DTNA: variants seen among roughly 807,000 people sequenced by gnomAD.
DTNA encodes the protein dystrobrevin alpha.
DTNA carries 43 observed loss-of-function variants against 100.7 expected under a neutral mutation model. That is an observed-to-expected ratio of 0.43 (90% CI 0.33 to 0.55). The LOEUF is 0.55. Among genes scored for constraint, DTNA ranks in the 20% least tolerant of loss-of-function variants. The probability of loss-of-function intolerance (pLI) is 0.04; values close to 1 mark genes in which losing one functional copy is unlikely to be tolerated. For missense variants in DTNA, 798 were observed against 953.9 expected (o/e 0.84, Z 2.15); for synonymous variants, 349 against 347.9 (o/e 1.00, Z -0.04).
chr18:34,522,728 C>T (rs577228757), intron 1 of DTNA, among the ~76,000 whole-genome samples: 1 of 152,132 alleles, frequency 6.6e-6, no homozygotes, highest in Non-Finnish European at 1.5e-5. Context: ...GGAAGGGCTC[C>T]TTGCAGAAAG....
chr18:34,801,703 T>G (rs9941432), intron 4 of DTNA, among the ~76,000 whole-genome samples: 3,850 of 151,534 alleles, frequency 0.025, 168 homozygotes, highest in African/African-American at 0.088. Context: ...TAGAGACGGG[T>G]TTTCACCATG....
intron 6 of DTNA, among the ~76,000 whole-genome samples, chr18:34,815,337 G>A (rs2095573300): frequency 1.3e-5 from 2 of 152,102 alleles, no homozygotes; most frequent in Admixed American, 6.5e-5. Flanking sequence ...GAAGCAGACT[G>A]AATTGAGAGG....
chr18:34,523,345 C>T (rs192709777), intron 1 of DTNA, among the ~76,000 whole-genome samples: 575 of 152,240 alleles, frequency 3.8e-3, no homozygotes, highest in Non-Finnish European at 5.5e-3. Flanking sequence ...GGAGATAGGA[C>T]TCAGCCTGTA....
chr18:34,773,641 C>T (rs2093897026), intron 3 of DTNA, among the ~76,000 whole-genome samples: 2 of 152,076 alleles, frequency 1.3e-5, no homozygotes, highest in South Asian at 4.1e-4. Context: ...ATGCAACGTT[C>T]CCAAAAATTC....
At chr18:34,542,248 C>G (rs1262970758) in intron 1 of DTNA, among the ~76,000 whole-genome samples, 1 of 152,038 alleles carries the variant, frequency 6.6e-6, no homozygotes. Flanking sequence ...ATCTAAAACT[C>G]TATAAATTCA....
At chr18:34,848,039 A>G (rs956871248) in intron 13 of DTNA, among the ~76,000 whole-genome samples, 1 of 152,244 alleles carries the variant, frequency 6.6e-6, no homozygotes, top group Non-Finnish European at 1.5e-5. Flanking sequence ...TATTGATCAG[A>G]ATAGTCACCT....
chr18:34,625,193 A>C (rs1354697611), intron 1 of DTNA, among the ~76,000 whole-genome samples: 1 of 151,954 alleles, frequency 6.6e-6, no homozygotes, highest in African/African-American at 2.4e-5. Flanking sequence ...CGTCCGGCTA[A>C]TTTTTTTGTA....
At chr18:34,516,142 G>A (rs998548688) in intron 1 of DTNA, among the ~76,000 whole-genome samples, 4 of 152,124 alleles carry the variant, frequency 2.6e-5, no homozygotes, top group African/African-American at 9.7e-5. Context: ...GAGAAATAAA[G>A]GGAAAGAGTA....
In DTNA at chr18:34,829,382, A is replaced by G; in HGVS notation, c.1086-18A>G. 1.3e-6 allele frequency: 2 copies of G among 1,535,024 alleles called. No homozygotes were observed. The highest frequency in any genetic ancestry group is 1.7e-6 in the Non-Finnish European group (2 of 1,146,608). On this transcript the variant is annotated intron_variant, in intron 10 of 22. Transcript: ENST00000444659. ...CCATGGGAAGTTTTAATGAGGTCTC[A>G]TTGTTTGACTCCCTCAGGTTACCTG...
chr18:34,766,347 C>A (rs953467995), intron 3 of DTNA, among the ~76,000 whole-genome samples: 3 of 152,144 alleles, frequency 2.0e-5, no homozygotes, highest in Non-Finnish European at 4.4e-5. Flanking sequence ...GGATGTTTTT[C>A]TTCTTTTCTC....
chr18:34,796,379 T>A (rs1371370398), intron 4 of DTNA, among the ~76,000 whole-genome samples: 1 of 152,238 alleles, frequency 6.6e-6, no homozygotes, highest in African/African-American at 2.4e-5. Flanking sequence ...CTATTTCTTA[T>A]AATAGTAAAC....
At chr18:34,506,043 C>G (rs1373997292) in intron 1 of DTNA, among the ~76,000 whole-genome samples, 2 of 152,200 alleles carry the variant, frequency 1.3e-5, no homozygotes, top group Non-Finnish European at 2.9e-5. Context: ...CACTCAGTCT[C>G]CCTTGACACC....
intron 17 of DTNA, among the ~76,000 whole-genome samples, chr18:34,865,708 C>G (rs761821716): frequency 6.6e-6 from 1 of 152,182 alleles, no homozygotes; most frequent in Non-Finnish European, 1.5e-5. Flanking sequence ...CTATCTTTCC[C>G]CTCAGTGAAT....
chr18:34,820,629 C>T (rs898789730), intron 8 of DTNA, among the ~76,000 whole-genome samples, 162 bp from the exon 9 acceptor site: 2 of 152,148 alleles, frequency 1.3e-5, no homozygotes, highest in Non-Finnish European at 2.9e-5. Context: ...GCAGCTTGTT[C>T]GGAAACTCTT....
At chr18:34,841,651 A>T (rs186695888) in intron 13 of DTNA, among the ~76,000 whole-genome samples, 118 of 152,228 alleles carry the variant, frequency 7.8e-4, no homozygotes, top group Middle Eastern at 3.4e-3. Context: ...TTTCCATTTC[A>T]CTGTTTAAAA....
chr18:34,876,889 C>G (rs551564694), intron 18 of DTNA, among the ~76,000 whole-genome samples: 2 of 152,192 alleles, frequency 1.3e-5, no homozygotes, highest in South Asian at 4.1e-4. Flanking sequence ...TATTTTAAAT[C>G]AATTTGTGAT....
chr18:34,686,573 C>A (rs1057481881), intron 1 of DTNA, among the ~76,000 whole-genome samples: 1 of 152,126 alleles, frequency 6.6e-6, no homozygotes, highest in Non-Finnish European at 1.5e-5. Context: ...CATCAATGTT[C>A]ATCAGGAATA....
At chr18:34,840,150 T>C (rs1310439333) in intron 13 of DTNA, among the ~76,000 whole-genome samples, 1 of 152,194 alleles carries the variant, frequency 6.6e-6, no homozygotes, top group Non-Finnish European at 1.5e-5. Flanking sequence ...TAAAAATGTA[T>C]AACCAGTACA....
intron 1 of DTNA, among the ~76,000 whole-genome samples, chr18:34,686,935 G>T (rs888067025): frequency 1.3e-5 from 2 of 152,098 alleles, no homozygotes; most frequent in African/African-American, 4.8e-5. Flanking sequence ...TTGTGTAGAG[G>T]TGTTTATAGT....
Sources: gnomAD v4.1 joint callset for allele counts (sites outside exome capture counted in the v4.1 genomes callset) on GRCh38, gnomAD v4.1.1 for gene constraint, MANE v1.5 for transcripts, NCBI Gene and HGNC (gene_info 2026-07-23, HGNC 2026-07-21) for gene names.